Variants in NXPE2 observed in about 807,000 individuals in gnomAD.
The protein encoded by NXPE2 is neurexophilin and PC-esterase domain family member 2, also known as NXPE family member 2.
Under a neutral mutation model 34.4 loss-of-function variants are expected in NXPE2, and 34 were observed. That is an observed-to-expected ratio of 0.99 (90% CI 0.75 to 1.31). The LOEUF is 1.31. Ranked by LOEUF, NXPE2 falls within the 40% of genes most tolerant of loss-of-function variation. The pLI, the probability that NXPE2 is intolerant of heterozygous loss-of-function variation, is 0.00. For missense variants in NXPE2, 649 were observed against 672.5 expected (o/e 0.97, Z 0.39); for synonymous variants, 235 against 231.3 (o/e 1.02, Z -0.15).
At chr11:114,530,170 C>T in the NXPE2 span, 1 of 1,592,430 alleles carries the variant, frequency 6.3e-7, no homozygotes, top group Non-Finnish European at 8.5e-7. Flanking sequence ...GAAAAGTATA[C>T]TCACCTGTGG....
chr11:114,688,999 C>T (rs755711084), intron 2 of NXPE2, among the ~76,000 whole-genome samples: 33 of 152,004 alleles, frequency 2.2e-4, no homozygotes, highest in Admixed American at 5.2e-4. Flanking sequence ...GTGAATCTAG[C>T]TAGTGGTCTA....
At chr11:114,498,674 A>G in the NXPE2 span, among the ~76,000 whole-genome samples, 1 of 152,074 alleles carries the variant, frequency 6.6e-6, no homozygotes, top group African/African-American at 2.4e-5. Context: ...CAGCTTTTGT[A>G]TTTATTTTAA....
the NXPE2 span, among the ~76,000 whole-genome samples, chr11:114,505,905 C>T: frequency 1.5e-3 from 221 of 151,988 alleles, no homozygotes; most frequent in African/African-American, 5.0e-3. Context: ...GCTAAATGCC[C>T]CATTTAAAAG....
the NXPE2 span, among the ~76,000 whole-genome samples, chr11:114,786,262 C>A: frequency 0.12 from 18,814 of 152,136 alleles, 1,223 homozygotes; most frequent in Admixed American, 0.19. Context: ...AATGCGTTTT[C>A]AAATCTCTCA....
At chr11:114,708,172 G>A (rs1951504028), downstream of NXPE2, among the ~76,000 whole-genome samples, 1 of 152,162 alleles carries the variant, frequency 6.6e-6, no homozygotes, top group Admixed American at 6.5e-5. Context: ...CATAATAGCA[G>A]TCTTCTTGCT....
chr11:114,751,118 G>A, the NXPE2 span, among the ~76,000 whole-genome samples: 21 of 152,136 alleles, frequency 1.4e-4, no homozygotes, highest in Admixed American at 6.5e-5. Context: ...GATAGAGACC[G>A]AAGAAGCATG....
the NXPE2 span, among the ~76,000 whole-genome samples, chr11:114,639,388 G>A: frequency 1.3e-5 from 2 of 151,992 alleles, no homozygotes; most frequent in Admixed American, 6.6e-5. Context: ...TCTTTGATTA[G>A]GAAAGGGAAC....
chr11:114,729,197 CT>C, the NXPE2 span, among the ~76,000 whole-genome samples: 1 of 152,124 alleles, frequency 6.6e-6, no homozygotes, highest in East Asian at 1.9e-4. Context: ...CGTTCAGTTG[CT>C]TAGCGTAATG....
At chr11:114,623,097 T>C in the NXPE2 span, among the ~76,000 whole-genome samples, 1 of 152,260 alleles carries the variant, frequency 6.6e-6, no homozygotes, top group South Asian at 2.1e-4. Flanking sequence ...TAATTAGCGT[T>C]GCCTGGCGGA....
the NXPE2 span, among the ~76,000 whole-genome samples, chr11:114,464,318 GC>G: frequency 6.6e-6 from 1 of 152,018 alleles, no homozygotes; most frequent in Non-Finnish European, 1.5e-5. Flanking sequence ...TTGGCGTGTT[GC>G]CCAGACTGAA....
chr11:114,523,878 G>A, the NXPE2 span, among the ~76,000 whole-genome samples: 7 of 152,186 alleles, frequency 4.6e-5, no homozygotes, highest in South Asian at 2.1e-4. Flanking sequence ...CTGATACTAC[G>A]TTCTGTATGA....
At chr11:114,497,803 G>A in the NXPE2 span, among the ~76,000 whole-genome samples, 1 of 152,150 alleles carries the variant, frequency 6.6e-6, no homozygotes, top group Non-Finnish European at 1.5e-5. Context: ...AATAATTTAT[G>A]TCAGTTATAA....
the NXPE2 span, among the ~76,000 whole-genome samples, chr11:114,480,114 T>C: frequency 6.6e-6 from 1 of 151,996 alleles, no homozygotes; most frequent in Admixed American, 6.6e-5. Flanking sequence ...TCTCCAACAC[T>C]GGGGATCACA....
the NXPE2 span, among the ~76,000 whole-genome samples, chr11:114,521,136 T>A: frequency 6.6e-6 from 1 of 152,106 alleles, no homozygotes; most frequent in Admixed American, 6.5e-5. Context: ...GAAATTTCCT[T>A]TATCTATTAG....
At chr11:114,543,687 CCT>C in the NXPE2 span, among the ~76,000 whole-genome samples, 487 of 152,158 alleles carry the variant, frequency 3.2e-3, 3 homozygotes, top group African/African-American at 0.011. Flanking sequence ...TCAAGAATGT[CCT>C]CTTTCACCAC....
intron 2 of NXPE2, among the ~76,000 whole-genome samples, chr11:114,695,780 C>G (rs931840412): frequency 1.3e-5 from 2 of 151,500 alleles, no homozygotes; most frequent in African/African-American, 4.9e-5. Flanking sequence ...ATCACGAAGT[C>G]AGAAGTTCGC....
the NXPE2 span, among the ~76,000 whole-genome samples, chr11:114,475,233 T>G: frequency 2.1e-4 from 4 of 19,498 alleles, no homozygotes; most frequent in African/African-American, 1.8e-3. Flanking sequence ...ACTGTTTTTT[T>G]TTTTTTTTTT....
At chr11:114,791,195 G>A in the NXPE2 span, among the ~76,000 whole-genome samples, 3 of 151,700 alleles carry the variant, frequency 2.0e-5, no homozygotes, top group East Asian at 1.9e-4. Context: ...AAAAAAAAAA[G>A]GGTGAGAGAA....
chr11:114,683,310 A>AT (rs1591427673), intron 2 of NXPE2, among the ~76,000 whole-genome samples: 1 of 151,896 alleles, frequency 6.6e-6, no homozygotes, highest in Non-Finnish European at 1.5e-5. Flanking sequence ...TGTTTGAATT[A>AT]TTTTTTGTAA....
Sources: gnomAD v4.1 joint callset for allele counts (sites outside exome capture counted in the v4.1 genomes callset) on GRCh38, gnomAD v4.1.1 for gene constraint, MANE v1.5 for transcripts, NCBI Gene and HGNC (gene_info 2026-07-23, HGNC 2026-07-21) for gene names.